CSMD2: variants seen among roughly 807,000 people sequenced by gnomAD.
The protein encoded by CSMD2 is CUB and Sushi multiple domains 2, also known as CUB and sushi domain-containing protein 2.
CSMD2 carries 130 observed loss-of-function variants against 398.5 expected under a neutral mutation model. The ratio of observed to expected loss-of-function variants is 0.33; its 90% CI spans 0.28 to 0.38. The LOEUF is 0.38. Among genes scored for constraint, CSMD2 ranks in the 10% least tolerant of loss-of-function variants. The pLI, the probability that CSMD2 is intolerant of heterozygous loss-of-function variation, is 1.00. For synonymous variants in CSMD2, 1,828 were observed against 1,908.5 expected, an observed-to-expected ratio of 0.96 and a Z score of 1.10; for missense variants, 3,829 against 4,764.9, an observed-to-expected ratio of 0.80 and a Z score of 5.78.
At chr1:33,671,548 T>G (rs1644498148) in intron 25 of CSMD2, among the ~76,000 whole-genome samples, 2 of 152,182 alleles carry the variant, frequency 1.3e-5, no homozygotes, top group South Asian at 4.2e-4. Flanking sequence ...ATGCCTTTCC[T>G]CAAAGTGTTT....
At position 33,652,462 on chromosome 1, in the gene CSMD2, C is replaced by T; in HGVS notation, c.4448-1G>A. ...CCTGTCAGGTCTCCCCCGCAGGGAG[C>T]TGAGGAGAGAAGAAGACGAGGGTGA... On this transcript the variant is annotated splice_acceptor_variant, in intron 27 of 70. Transcript: ENST00000373381. LOFTEE classifies it high-confidence loss of function. 6.2e-7 allele frequency: 1 copy of T among 1,613,834 alleles called. No homozygotes were observed. Among genetic ancestry groups the T allele is most frequent in the Non-Finnish European group, 8.5e-7 (1 of 1,179,790 alleles).
chr1:33,865,114 G>A (rs1639925470), intron 5 of CSMD2, among the ~76,000 whole-genome samples: 1 of 151,404 alleles, frequency 6.6e-6, no homozygotes. Flanking sequence ...TAGAAGCACC[G>A]TGGTTCTGAG....
intron 67 of CSMD2, 103 bp downstream of exon 67, chr1:33,523,204 C>G (rs1160235913): frequency 1.6e-6 from 1 of 615,344 alleles, no homozygotes; most frequent in Non-Finnish European, 2.9e-6. Flanking sequence ...AAACCTCCTC[C>G]CAAGTTGCCA....
intron 25 of CSMD2, among the ~76,000 whole-genome samples, chr1:33,685,331 C>T (rs1418098133): frequency 2.0e-5 from 3 of 152,274 alleles, no homozygotes; most frequent in Admixed American, 6.5e-5. Flanking sequence ...AGCTTTAGTC[C>T]GTTTTTCTAT....
At chr1:33,760,483 C>G (rs539500471) in intron 13 of CSMD2, among the ~76,000 whole-genome samples, 1 of 152,192 alleles carries the variant, frequency 6.6e-6, no homozygotes, top group African/African-American at 2.4e-5. Context: ...GGAAAATATA[C>G]GTAGCCAGAC....
At chr1:33,831,349 C>T (rs1265070835) in intron 6 of CSMD2, among the ~76,000 whole-genome samples, 20 of 152,072 alleles carry the variant, frequency 1.3e-4, no homozygotes, top group African/African-American at 4.8e-4. Flanking sequence ...AAATTGGGGG[C>T]CAATATTCAA....
In CSMD2 at chr1:33,845,442, C is replaced by T. The variant is rs555766165; in HGVS notation, c.1033+1442G>A. ...CTGCCAGGCTTGGGTTCTTGTCGCCCATTGCTGGCATCAAACCTTAACCTT... is the reference window on the plus strand; with the variant it reads ...CTGCCAGGCTTGGGTTCTTGTCGCCTATTGCTGGCATCAAACCTTAACCTT... On this transcript the variant is annotated intron_variant, in intron 6 of 70. Coordinates refer to ENST00000373381, the MANE Select transcript of CSMD2 (RefSeq NM_001281956.2). Among the ~76,000 whole-genome samples the T allele has an allele frequency of 3.0e-4, 46 of 152,316 alleles. No individual in the cohort carries two copies. In the South Asian group the frequency reaches 8.3e-3, roughly 27 times the overall value.
chr1:33,665,460 CTTTTTTTTTTTTTT>C (rs745495781), intron 25 of CSMD2, among the ~76,000 whole-genome samples: 1 of 73,914 alleles, frequency 1.4e-5, no homozygotes, highest in Non-Finnish European at 2.5e-5. Context: ...TTTCTTCTCT[CTTTTTTTTTTTTTT>C]TTTTTTTTTT....
chr1:33,758,490 G>A (rs534589965), intron 13 of CSMD2, among the ~76,000 whole-genome samples: 217 of 152,264 alleles, frequency 1.4e-3, no homozygotes, highest in African/African-American at 5.0e-3. Flanking sequence ...AATAATAATT[G>A]TAACAAAAAT....
At chr1:33,774,938 A>G (rs935090289) in intron 12 of CSMD2, among the ~76,000 whole-genome samples, 1 of 152,182 alleles carries the variant, frequency 6.6e-6, no homozygotes, top group Non-Finnish European at 1.5e-5. Flanking sequence ...GACCCTTGAC[A>G]TCTGGATATG....
At chr1:33,795,105 T>C (rs566932106) in intron 10 of CSMD2, among the ~76,000 whole-genome samples, 1 of 151,656 alleles carries the variant, frequency 6.6e-6, no homozygotes, top group East Asian at 2.0e-4. Context: ...TGAGGCGGGA[T>C]GTAAGCCTGT....
At chr1:33,700,714 G>A in intron 22 of CSMD2, 41 bp from the exon 23 acceptor site, 1 of 1,607,540 alleles carries the variant, frequency 6.2e-7, no homozygotes, top group Non-Finnish European at 8.5e-7. Context: ...TCGTCAGCAT[G>A]GCCTTATGTT....
intron 5 of CSMD2, among the ~76,000 whole-genome samples, chr1:33,848,197 G>T (rs1177255104): frequency 6.6e-6 from 1 of 152,228 alleles, no homozygotes; most frequent in Non-Finnish European, 1.5e-5. Context: ...GGGAGGGGCA[G>T]TATCCTGGGG....
intron 4 of CSMD2, among the ~76,000 whole-genome samples, chr1:33,934,813 TA>T: frequency 7.5e-6 from 1 of 132,972 alleles, no homozygotes; most frequent in East Asian, 2.1e-4. Context: ...CTGGGCAACA[TA>T]GAGAGACTCT....
intron 15 of CSMD2, among the ~76,000 whole-genome samples, chr1:33,727,099 C>T (rs1646559732): frequency 6.6e-6 from 1 of 152,196 alleles, no homozygotes; most frequent in South Asian, 2.1e-4. Flanking sequence ...AGACGTTCAG[C>T]TCAGGGTGCC....
intron 6 of CSMD2, among the ~76,000 whole-genome samples, chr1:33,828,063 C>G (rs1016288326): frequency 6.6e-6 from 1 of 152,206 alleles, no homozygotes; most frequent in African/African-American, 2.4e-5. Context: ...GGTTTGTTCC[C>G]TGGCAGGCAA....
At chr1:33,903,240 C>G (rs907092972) in intron 5 of CSMD2, among the ~76,000 whole-genome samples, 3 of 149,710 alleles carry the variant, frequency 2.0e-5, no homozygotes, top group African/African-American at 7.4e-5. Flanking sequence ...ATTTCTTAGT[C>G]AAAAGAAAAA....
intron 1 of CSMD2, among the ~76,000 whole-genome samples, chr1:34,105,692 A>G (rs1168365844): frequency 6.6e-6 from 1 of 152,224 alleles, no homozygotes; most frequent in Non-Finnish European, 1.5e-5. Flanking sequence ...TTTAAAATAT[A>G]CTGAAAATCG....
Position 33,810,752 on chromosome 1 carries a change from G to A in CSMD2, c.1437C>T (p.Asn479=). ...AHCVWIITAL[N]PSKVIKLAFE... ...TCCCCAAGAGGCTTACCTTGGAGGG[G>A]TTGAGTGCTGTGATGATCCACACAC... Residue 479 remains asparagine (N), a synonymous_variant, in exon 10 of 71, where the codon AAC becomes AAT. Transcript: ENST00000373381. 9 of 1,613,166 alleles carry A rather than the reference G, an allele frequency of 5.6e-6. No homozygotes were observed. The highest frequency in any genetic ancestry group is 6.8e-6 in the Non-Finnish European group (8 of 1,179,658).
Sources: gnomAD v4.1 joint callset for allele counts (sites outside exome capture counted in the v4.1 genomes callset) on GRCh38, gnomAD v4.1.1 for gene constraint, MANE v1.5 for transcripts, NCBI Gene and HGNC (gene_info 2026-07-23, HGNC 2026-07-21) for gene names.